The following CTNND2 variants were observed in gnomAD, a reference collection of about 807,000 sequenced individuals.
CTNND2 encodes the protein catenin delta 2.
A neutral mutation model predicts 144.4 loss-of-function variants in CTNND2; 22 were observed. The ratio of observed to expected loss-of-function variants is 0.15; its 90% CI spans 0.11 to 0.22. The LOEUF (loss-of-function observed/expected upper bound fraction) is 0.22, where lower values mean the gene tolerates loss of function less well. CTNND2 is among the 10% of genes least tolerant of loss of function. The pLI is 1.00. For synonymous variants in CTNND2, 751 were observed against 695.6 expected, an observed-to-expected ratio of 1.08 and a Z score of -1.25; for missense variants, 1,353 against 1,618.8, an observed-to-expected ratio of 0.84 and a Z score of 2.82.
intron 3 of CTNND2, among the ~76,000 whole-genome samples, chr5:11,430,389 C>A (rs1581177608): frequency 3.5e-5 from 4 of 113,602 alleles, no homozygotes; most frequent in Admixed American, 9.4e-5. Context: ...CAGGGTAGTT[C>A]AAAAATAATG....
At chr5:11,414,007 T>A (rs1395773286) in intron 3 of CTNND2, among the ~76,000 whole-genome samples, 22 of 152,168 alleles carry the variant, frequency 1.4e-4, no homozygotes, top group Admixed American at 1.4e-3. Context: ...ATTAAGTTAA[T>A]AATCTTCAGA....
chr5:10,977,457 C>CT (rs34882307), intron 21 of CTNND2, among the ~76,000 whole-genome samples: 2,647 of 145,560 alleles, frequency 0.018, 41 homozygotes, highest in South Asian at 0.029. Context: ...ATAGTTAAGT[C>CT]TTTTTTTTTT....
At chr5:11,312,162 A>C (rs1580872532) in intron 9 of CTNND2, among the ~76,000 whole-genome samples, 1 of 77,352 alleles carries the variant, frequency 1.3e-5, no homozygotes, top group Admixed American at 1.6e-4. Context: ...CACACTCCCC[A>C]TACACCGTCA....
At chr5:11,675,065 G>T (rs979534118) in intron 2 of CTNND2, among the ~76,000 whole-genome samples, 2 of 152,088 alleles carry the variant, frequency 1.3e-5, no homozygotes, top group African/African-American at 4.8e-5. Flanking sequence ...CTAAAGGAAG[G>T]CAGAATTTTT....
chr5:11,746,984 T>C (rs1788346708), intron 1 of CTNND2, among the ~76,000 whole-genome samples: 1 of 152,192 alleles, frequency 6.6e-6, no homozygotes, highest in African/African-American at 2.4e-5. Context: ...CTTTGGTTGA[T>C]ACATGATATT....
chr5:11,211,344 C>T (rs1309669911), intron 10 of CTNND2, among the ~76,000 whole-genome samples: 1 of 125,284 alleles, frequency 8.0e-6, no homozygotes, highest in Non-Finnish European at 1.7e-5. Context: ...TTAAGTTGCC[C>T]TAACTCATTG....
chr5:11,421,580 G>A (rs1235015096), intron 3 of CTNND2, among the ~76,000 whole-genome samples: 2 of 152,080 alleles, frequency 1.3e-5, no homozygotes, highest in African/African-American at 4.8e-5. Context: ...GTGGTCCACT[G>A]GGGGAGGGCC....
chr5:11,124,286 C>T (rs56387580), intron 12 of CTNND2, among the ~76,000 whole-genome samples: 34,313 of 151,984 alleles, frequency 0.23, 4,263 homozygotes, highest in Middle Eastern at 0.33. Context: ...ATTAATTACA[C>T]GTAAAAATGC....
At chr5:11,064,347 A>G (rs951741043) in intron 16 of CTNND2, among the ~76,000 whole-genome samples, 1 of 152,126 alleles carries the variant, frequency 6.6e-6, no homozygotes, top group Non-Finnish European at 1.5e-5. Flanking sequence ...GCATCTAGTC[A>G]CCGCATAACT....
intron 1 of CTNND2, among the ~76,000 whole-genome samples, chr5:11,762,840 G>A (rs1789349567): frequency 6.6e-6 from 1 of 152,188 alleles, no homozygotes; most frequent in African/African-American, 2.4e-5. Flanking sequence ...GTTCACAAAA[G>A]AATGATAATT....
chr5:11,383,231 C>T (rs768582749), intron 7 of CTNND2, among the ~76,000 whole-genome samples: 2 of 152,124 alleles, frequency 1.3e-5, no homozygotes, highest in African/African-American at 2.4e-5. Context: ...CCCTGCGCCT[C>T]AGTCTCCTCT....
intron 3 of CTNND2, among the ~76,000 whole-genome samples, chr5:11,553,281 C>G (rs1002404204): frequency 3.3e-5 from 5 of 152,168 alleles, no homozygotes; most frequent in African/African-American, 1.2e-4. Flanking sequence ...TCCATCTCAT[C>G]TTGTCAATTT....
chr5:11,318,375 T>C (rs917450766), intron 9 of CTNND2, among the ~76,000 whole-genome samples: 7 of 152,138 alleles, frequency 4.6e-5, no homozygotes, highest in Non-Finnish European at 8.8e-5. Flanking sequence ...ATGCTGAAGG[T>C]TGTCCTCTGA....
chr5:11,853,241 C>T (rs569324283), intron 1 of CTNND2, among the ~76,000 whole-genome samples: 14 of 152,246 alleles, frequency 9.2e-5, no homozygotes, highest in Non-Finnish European at 1.3e-4. Context: ...GGCCTTCTTT[C>T]CTTTACCTTC....
chr5:11,804,038 T>G (rs1791853849), intron 1 of CTNND2, among the ~76,000 whole-genome samples: 1 of 152,194 alleles, frequency 6.6e-6, no homozygotes, highest in Non-Finnish European at 1.5e-5. Context: ...TTCTATAAAG[T>G]CTTCACATTT....
chr5:11,573,567 A>G (rs1197072089), intron 2 of CTNND2, among the ~76,000 whole-genome samples: 1 of 152,184 alleles, frequency 6.6e-6, no homozygotes, highest in Non-Finnish European at 1.5e-5. Flanking sequence ...TGATGTCAAG[A>G]TGGAATGGAA....
chr5:11,081,484 G>A (rs1394347819), intron 16 of CTNND2, among the ~76,000 whole-genome samples: 1 of 152,142 alleles, frequency 6.6e-6, no homozygotes, highest in Admixed American at 6.5e-5. Flanking sequence ...GGGAATATTG[G>A]CAGAATACAT....
chr5:11,174,779 C>A (rs1378989060), intron 11 of CTNND2, among the ~76,000 whole-genome samples: 1 of 152,148 alleles, frequency 6.6e-6, no homozygotes, highest in Non-Finnish European at 1.5e-5. Context: ...ATCAGCAGAG[C>A]GTGGCAAAGC....
chr5:10,976,174 CT>C (rs1447902504), intron 21 of CTNND2, among the ~76,000 whole-genome samples: 5 of 93,496 alleles, frequency 5.3e-5, no homozygotes, highest in African/African-American at 7.2e-5. Context: ...CTTGTGGTAT[CT>C]TGTGGTATTT....
Sources: gnomAD v4.1 joint callset for allele counts (sites outside exome capture counted in the v4.1 genomes callset) on GRCh38, gnomAD v4.1.1 for gene constraint, MANE v1.5 for transcripts, NCBI Gene and HGNC (gene_info 2026-07-23, HGNC 2026-07-21) for gene names.